The following SMG6 variants were observed in gnomAD, a reference collection of about 807,000 sequenced individuals.
The protein encoded by SMG6 is telomerase-binding protein EST1A.
In SMG6, 66 loss-of-function variants were observed where a neutral mutation model predicts 142.2. The observed-to-expected ratio is 0.46, with a 90% CI of 0.38 to 0.57. The LOEUF is 0.57. Ranked by LOEUF, SMG6 falls within the 20% of genes least tolerant of loss-of-function variation. The pLI is 0.00. For synonymous variants in SMG6, 779 were observed against 702.4 expected (o/e 1.11, Z -1.72); for missense variants, 1,793 against 1,832.0 (o/e 0.98, Z 0.39).
chr17:2,289,435 T>C (rs1188652508), intron 6 of SMG6, among the ~76,000 whole-genome samples: 1 of 151,936 alleles, frequency 6.6e-6, no homozygotes, highest in Admixed American at 6.6e-5. Context: ...TGAGTGCCTG[T>C]AGTCCCAGCT....
At chr17:2,176,554 G>A (rs2071657771) in intron 12 of SMG6, among the ~76,000 whole-genome samples, 1 of 152,176 alleles carries the variant, frequency 6.6e-6, no homozygotes, top group South Asian at 2.1e-4. Context: ...TCCCGCTAAA[G>A]TTAGGGTGGA....
chr17:2,285,888 G>C (rs1444348462), intron 6 of SMG6, among the ~76,000 whole-genome samples: 1 of 151,920 alleles, frequency 6.6e-6, no homozygotes, highest in East Asian at 1.9e-4. Context: ...TAGCCAGGCT[G>C]GTCTGGAACT....
chr17:2,062,431 A>G (rs1490909500), intron 18 of SMG6: 1 of 152,178 alleles, frequency 6.6e-6, no homozygotes. Flanking sequence ...CATATTAGCC[A>G]CACTTTCAGA....
chr17:2,234,434 G>T (rs1377797288), intron 10 of SMG6, among the ~76,000 whole-genome samples: 1 of 151,078 alleles, frequency 6.6e-6, no homozygotes, highest in South Asian at 2.1e-4. Flanking sequence ...GCTAATTTTT[G>T]GTATTTTTAG....
intron 15 of SMG6, among the ~76,000 whole-genome samples, chr17:2,069,744 T>C (rs925925092): frequency 6.6e-6 from 1 of 152,224 alleles, no homozygotes; most frequent in African/African-American, 2.4e-5. Flanking sequence ...ACTCAACTCA[T>C]GTGTCTGCAA....
chr17:2,228,318 C>T (rs2073374555), intron 10 of SMG6, among the ~76,000 whole-genome samples: 1 of 151,950 alleles, frequency 6.6e-6, no homozygotes, highest in Non-Finnish European at 1.5e-5. Context: ...AACCTCCACT[C>T]CCCAGGTTCA....
chr17:2,161,079 A>G (rs899757998), intron 13 of SMG6, among the ~76,000 whole-genome samples: 3 of 150,170 alleles, frequency 2.0e-5, no homozygotes, highest in Non-Finnish European at 4.4e-5. Flanking sequence ...AAGGCTAGGC[A>G]GGTAGGCATG....
chr17:2,106,315 T>C (rs566598312), intron 13 of SMG6, among the ~76,000 whole-genome samples: 27 of 152,300 alleles, frequency 1.8e-4, no homozygotes, highest in Non-Finnish European at 3.1e-4. Flanking sequence ...GCACATGCCA[T>C]TGTTCCATGC....
chr17:2,179,821 G>T (rs1220824037), intron 12 of SMG6, among the ~76,000 whole-genome samples: 1 of 152,192 alleles, frequency 6.6e-6, no homozygotes, highest in Non-Finnish European at 1.5e-5. Context: ...CTCATTCGGG[G>T]TCAGCGCAGT....
chr17:2,299,604 G>A lies in SMG6; in HGVS notation c.1149C>T (p.Ser383=). ...MDRGKPDKGL[S]SGGKGSEKQE... ...GCTTCTCAGAGCCTTTGCCCCCACTGCTCAAGCCTTTGTCAGGCTTTCCTC... is the reference window on the plus strand; with the variant it reads ...GCTTCTCAGAGCCTTTGCCCCCACTACTCAAGCCTTTGTCAGGCTTTCCTC... The change falls in exon 2 of 19, where the codon AGC becomes AGT. Residue 383 remains serine (S), a synonymous_variant. Transcript: ENST00000263073. This position sits in a 1 kb window ranked among gnomAD's most constrained non-coding sequence, Gnocchi z 4.3. The A allele has an allele frequency of 6.2e-7, 1 of 1,614,158 alleles. No homozygotes were observed. The highest frequency in any genetic ancestry group is 2.2e-5 in the East Asian group (1 of 44,880).
intron 10 of SMG6, among the ~76,000 whole-genome samples, chr17:2,201,000 T>C (rs1426473446): frequency 1.3e-5 from 2 of 152,190 alleles, no homozygotes; most frequent in African/African-American, 4.8e-5. Flanking sequence ...AATGTATCTG[T>C]AATTACAAAT....
chr17:2,238,302 CTTT>C (rs894608710), intron 9 of SMG6, among the ~76,000 whole-genome samples: 3 of 152,108 alleles, frequency 2.0e-5, no homozygotes, highest in African/African-American at 7.2e-5. Context: ...CATGCATTTG[CTTT>C]TTTTCTCCAC....
At chr17:2,211,390 C>T (rs557196559) in intron 10 of SMG6, among the ~76,000 whole-genome samples, 1 of 152,254 alleles carries the variant, frequency 6.6e-6, no homozygotes, top group Admixed American at 6.5e-5. Context: ...TTGGGCCAGG[C>T]GCGGTGGCTC....
intron 8 of SMG6, among the ~76,000 whole-genome samples, chr17:2,249,033 C>T (rs990643107): frequency 6.6e-6 from 1 of 151,856 alleles, no homozygotes; most frequent in Non-Finnish European, 1.5e-5. Flanking sequence ...ACTACAGGCG[C>T]CCGCCACCAC....
chr17:2,234,045 T>A (rs1192343343), intron 10 of SMG6, among the ~76,000 whole-genome samples: 9 of 151,896 alleles, frequency 5.9e-5, no homozygotes, highest in Non-Finnish European at 1.3e-4. Flanking sequence ...GAGGTGAGAG[T>A]CAGGAGCAGA....
At chr17:2,242,799 TA>T (rs1336816947) in intron 9 of SMG6, among the ~76,000 whole-genome samples, 1 of 151,980 alleles carries the variant, frequency 6.6e-6, no homozygotes, top group African/African-American at 2.4e-5. Context: ...GTGTTATTTT[TA>T]AGATGATACC....
At chr17:2,101,432 T>C (rs993952284) in intron 13 of SMG6, 7 of 152,214 alleles carry the variant, frequency 4.6e-5, no homozygotes, top group Admixed American at 2.0e-4. Context: ...ACTTTTAGGA[T>C]CTAGAAATCC....
chr17:2,089,447 C>T (rs568861221), intron 13 of SMG6, among the ~76,000 whole-genome samples: 10 of 152,162 alleles, frequency 6.6e-5, no homozygotes, highest in South Asian at 2.1e-4. Flanking sequence ...ACTGTGTAGG[C>T]GATTGTCAAG....
At chr17:2,101,665 GC>G (rs1469398280) in intron 13 of SMG6, 1 of 152,194 alleles carries the variant, frequency 6.6e-6, no homozygotes, top group Non-Finnish European at 1.5e-5. Flanking sequence ...ACCCTTCGCA[GC>G]CACAGCGAAC....
Sources: gnomAD v4.1 joint callset for allele counts (sites outside exome capture counted in the v4.1 genomes callset) on GRCh38, gnomAD v4.1.1 for gene constraint, Gnocchi (gnomAD v3.1) non-coding constraint, MANE v1.5 for transcripts, NCBI Gene and HGNC (gene_info 2026-07-23, HGNC 2026-07-21) for gene names.